POLE2: variants seen among roughly 807,000 people sequenced by gnomAD.
POLE2 encodes the protein DNA polymerase epsilon subunit 2.
A neutral mutation model predicts 79.4 loss-of-function variants in POLE2; 56 were observed. The observed-to-expected ratio is 0.71, with a 90% CI of 0.57 to 0.88. POLE2 has a LOEUF of 0.88. Among genes scored for constraint, POLE2 ranks in the 40% least tolerant of loss-of-function variants. POLE2 has a pLI of 0.00. For missense variants in POLE2, 598 were observed against 638.9 expected (o/e 0.94, Z 0.69); for synonymous variants, 212 against 214.0 (o/e 0.99, Z 0.08).
chr14:49,679,813 T>C lies in POLE2; in HGVS notation c.170-13A>G, dbSNP rs373979618. The C allele has an allele frequency of 8.6e-6, 13 of 1,519,892 alleles. No individual in the cohort carries two copies. Among genetic ancestry groups the C allele is most frequent in the Non-Finnish European group, 1.1e-5 (12 of 1,104,566 alleles). The allele number at this position is 1,519,892 out of a possible 1,614,324, so 94.2% of individuals were successfully genotyped here. On this transcript the variant is annotated splice_polypyrimidine_tract_variant and intron_variant, in intron 2 of 18. Coordinates refer to ENST00000216367, the MANE Select transcript of POLE2 (RefSeq NM_002692.4). ...ATGTTTGATGACACTGAAAAGAGAATTTCAAAGTCAAAATTTAAAAACAAA... is the reference window on the plus strand; with the variant it reads ...ATGTTTGATGACACTGAAAAGAGAACTTCAAAGTCAAAATTTAAAAACAAA...
chr14:49,650,628 T>C (rs1884150304), intron 16 of POLE2, among the ~76,000 whole-genome samples, 187 bp from the exon 17 acceptor site: 1 of 152,170 alleles, frequency 6.6e-6, no homozygotes, highest in Non-Finnish European at 1.5e-5. Context: ...TTCTGTATTT[T>C]AGGAAAAAAA....
intron 9 of POLE2, 56 bp downstream of exon 9, chr14:49,664,570 C>T (rs770528513): frequency 2.4e-4 from 264 of 1,086,170 alleles, no homozygotes; most frequent in Non-Finnish European, 3.4e-4. Context: ...TTACCCAAAG[C>T]AGAAAGTTTT....
Position 49,681,711 on chromosome 14 carries a change from CTGCAGTGAACCAAGATGGCGCCAT to C in POLE2, c.169+1858_169+1881del, listed in dbSNP as rs1215557286. 15 of 151,760 alleles carry C rather than the reference CTGCAGTGAACCAAGATGGCGCCAT, an allele frequency of 9.9e-5. No individual in the cohort carries two copies. The East Asian group carries it at 2.5e-3, about 26-fold the overall frequency. 9.4% of individuals were successfully genotyped at this position (151,760 alleles called of 1,614,324 possible). ...ATCGCTTGAACCCGGGAGGCAGAGG[CTGCAGTGAACCAAGATGGCGCCAT>C]TGCAGTGAACCGAGATGGCGCCATT... On this transcript the variant is annotated intron_variant, in intron 2 of 18. Transcript: ENST00000216367.
At chr14:49,661,223 A>AG (rs1199736904) in intron 10 of POLE2, among the ~76,000 whole-genome samples, 2 of 151,270 alleles carry the variant, frequency 1.3e-5, no homozygotes, top group Non-Finnish European at 3.0e-5. Flanking sequence ...GCAAAAAAAA[A>AG]CTAAACTGAT....
rs1162531232 is a variant in POLE2, at chr14:49,658,374, C to A, written c.756-2531G>T. On this transcript the variant is annotated intron_variant, in intron 10 of 18. Transcript: ENST00000216367. ...TACAGGCCTGAGCCACCGCGCCCGG[C>A]CCCTCTGGTCATCTCTTAATGAGGC... is the stretch of plus-strand genomic sequence containing the variant. Among the ~76,000 whole-genome samples the A allele has an allele frequency of 2.6e-5, 4 of 152,274 alleles. No homozygotes were observed. In the East Asian group the frequency reaches 5.8e-4, roughly 22 times the overall value.
intron 6 of POLE2, among the ~76,000 whole-genome samples, chr14:49,669,124 G>A (rs1225884652): frequency 6.6e-6 from 1 of 152,158 alleles, no homozygotes; most frequent in African/African-American, 2.4e-5. Context: ...ACTGTGTGTG[G>A]TGGTCACTGA....
intron 1 of POLE2, among the ~76,000 whole-genome samples, chr14:49,687,346 A>G (rs1887228157): frequency 6.6e-6 from 1 of 151,164 alleles, no homozygotes; most frequent in Non-Finnish European, 1.5e-5. Context: ...ACGTACATAT[A>G]GAACTCTAAA....
Position 49,651,336 on chromosome 14 carries a change from T to A in POLE2, c.1253A>T (p.Asp418Val). The change falls in exon 16 of 19, where the codon GAC (aspartate) becomes GTC (valine). Residue 418 changes from aspartate (D) to valine (V), a missense_variant. Physicochemically the swap from Asp to Val is radical, Grantham distance 152. Transcript: ENST00000216367. ...CTQEITVFRE[D>V]LVNKMCRNCV... The stretch of plus-strand genomic sequence containing the variant: ...GTTTCTGCACATTTTATTTACTAAG[T>A]CTTCACGGAAGACAGTAATTTCCTG... The A allele has an allele frequency of 3.1e-6, 5 of 1,598,454 alleles. No individual in the cohort carries two copies. The highest frequency in any genetic ancestry group is 1.7e-4 in the Middle Eastern group (1 of 6,022).
At chr14:49,673,997 T>C (rs935334993) in intron 5 of POLE2, 126 bp downstream of exon 5, 10 of 692,406 alleles carry the variant, frequency 1.4e-5, no homozygotes, top group African/African-American at 1.2e-4. Flanking sequence ...AACAGTTTAT[T>C]GAATGACCAA....
At chr14:49,676,495 C>T (rs12433138) in intron 3 of POLE2, among the ~76,000 whole-genome samples, 37,385 of 152,174 alleles carry the variant, frequency 0.25, 5,652 homozygotes, top group African/African-American at 0.42. Flanking sequence ...AGAGCCTCTA[C>T]TGTGGTATGA....
chr14:49,670,906 A>G (rs1385230687), intron 5 of POLE2, among the ~76,000 whole-genome samples: 3 of 152,210 alleles, frequency 2.0e-5, no homozygotes, highest in African/African-American at 7.2e-5. Context: ...GTTTTAATCT[A>G]TTTGAGTTTC....
chr14:49,655,607 C>T, intron 11 of POLE2, 64 bp downstream of exon 11: 1 of 1,099,496 alleles, frequency 9.1e-7, no homozygotes, highest in Non-Finnish European at 1.3e-6. Context: ...ATAGAATACT[C>T]AAAAAGTTTT....
chr14:49,666,952 G>A (rs1217736176), intron 6 of POLE2, among the ~76,000 whole-genome samples: 2 of 152,038 alleles, frequency 1.3e-5, no homozygotes, highest in Non-Finnish European at 2.9e-5. Context: ...TGTAATCCCA[G>A]CACTTTGGGA....
In POLE2 at chr14:49,643,575, T is replaced by C. The variant is rs1407975267; in HGVS notation, c.*77A>G. 19 of 775,136 alleles carry C rather than the reference T, an allele frequency of 2.5e-5. No individual in the cohort carries two copies. In the South Asian group the frequency reaches 2.8e-4, roughly 12 times the overall value. 48.0% of individuals were successfully genotyped at this position (775,136 alleles called of 1,614,324 possible). Reference sequence around the variant, plus strand: ...CATCCTAAAGTTTACCATAATTTTATTGTAATATCAGAATCACATAAGATA... The same window carrying C: ...CATCCTAAAGTTTACCATAATTTTACTGTAATATCAGAATCACATAAGATA... On this transcript the variant is annotated 3_prime_UTR_variant, in exon 19 of 19. Transcript: ENST00000216367.
intron 3 of POLE2, among the ~76,000 whole-genome samples, chr14:49,675,481 C>T (rs2139674565): frequency 6.6e-6 from 1 of 152,094 alleles, no homozygotes; most frequent in South Asian, 2.1e-4. Context: ...ACTCTGATGC[C>T]CAGGCTGGGG....
At chr14:49,666,541 A>G (rs961276993) in intron 6 of POLE2, 128 bp from the exon 7 acceptor site, 8 of 441,116 alleles carry the variant, frequency 1.8e-5, no homozygotes, top group Non-Finnish European at 3.2e-5. Flanking sequence ...AGAAAATCAA[A>G]TAAAATGGAA....
chr14:49,659,562 CTAAAGT>C (rs1028275189), intron 10 of POLE2, among the ~76,000 whole-genome samples: 3 of 152,012 alleles, frequency 2.0e-5, no homozygotes, highest in African/African-American at 7.2e-5. Flanking sequence ...GTTATAGTAA[CTAAAGT>C]TAATTAATTT....
intron 3 of POLE2, among the ~76,000 whole-genome samples, chr14:49,675,117 T>C (rs1199997976): frequency 6.6e-6 from 1 of 151,354 alleles, no homozygotes; most frequent in African/African-American, 2.4e-5. Flanking sequence ...AGAGTTTCAC[T>C]CTTGTTGCCC....
chr14:49,669,569 A>G lies in POLE2; in HGVS notation c.447T>C (p.Pro149=), dbSNP rs1159828917. The G allele has an allele frequency of 1.3e-6, 2 of 1,597,976 alleles. No homozygotes were observed. Among genetic ancestry groups the G allele is most frequent in the Admixed American group, 3.3e-5 (2 of 59,948 alleles). Reference sequence around the variant, plus strand: ...CATCAGGGTGAGAACCTATCACCGGAGGAGTAAATAATTCATGCCTGTGGG... The same window carrying G: ...CATCAGGGTGAGAACCTATCACCGGGGGAGTAAATAATTCATGCCTGTGGG... ...QRTHRHELFT[P]PVIGSHPDES... is the part of the protein sequence containing the mutation. The change falls in exon 6 of 19, where the codon CCT becomes CCC. Residue 149 remains proline, a synonymous_variant. Coordinates refer to ENST00000216367, the MANE Select transcript of POLE2 (RefSeq NM_002692.4).
Sources: allele counts gnomAD v4.1 joint callset (sites outside exome capture counted in the v4.1 genomes callset), GRCh38; gene constraint gnomAD v4.1.1; transcripts MANE v1.5; gene names NCBI Gene and HGNC (gene_info 2026-07-23, HGNC 2026-07-21).